The following TAFA1 variants were observed in gnomAD, a reference collection of about 807,000 sequenced individuals.
TAFA1 encodes the protein TAFA chemokine like family member 1.
TAFA1 carries 4 observed loss-of-function variants against 18.5 expected under a neutral mutation model. The observed-to-expected ratio is 0.22, with a 90% CI of 0.11 to 0.49. TAFA1 has a LOEUF of 0.49. Among genes scored for constraint, TAFA1 ranks in the 20% least tolerant of loss-of-function variants. The pLI is 0.98. For synonymous variants in TAFA1, 56 were observed against 55.2 expected, an observed-to-expected ratio of 1.01 and a Z score of -0.06; for missense variants, 147 against 169.0, an observed-to-expected ratio of 0.87 and a Z score of 0.72.
intron 2 of TAFA1, among the ~76,000 whole-genome samples, chr3:68,077,837 T>C (rs2064846640): frequency 1.3e-5 from 2 of 152,162 alleles, no homozygotes; most frequent in African/African-American, 4.8e-5. Flanking sequence ...TTTTTTCCAA[T>C]TCTGTGAAGA....
intron 2 of TAFA1, among the ~76,000 whole-genome samples, chr3:68,245,587 G>A (rs892727208): frequency 6.6e-6 from 1 of 152,186 alleles, no homozygotes; most frequent in African/African-American, 2.4e-5. Context: ...GGGATTGATA[G>A]CAGAGTTTTA....
intron 3 of TAFA1, among the ~76,000 whole-genome samples, chr3:68,422,235 T>C (rs967635875): frequency 6.6e-6 from 1 of 152,124 alleles, no homozygotes; most frequent in African/African-American, 2.4e-5. Flanking sequence ...TTAATAGCTA[T>C]ATGGGTTTTT....
chr3:68,450,755 C>G (rs1321040453), intron 3 of TAFA1, among the ~76,000 whole-genome samples: 1 of 152,140 alleles, frequency 6.6e-6, no homozygotes, highest in Non-Finnish European at 1.5e-5. Flanking sequence ...AAGGACAACA[C>G]AAGATCCTAA....
At chr3:68,427,935 C>G (rs541583594) in intron 3 of TAFA1, among the ~76,000 whole-genome samples, 26 of 151,896 alleles carry the variant, frequency 1.7e-4, no homozygotes, top group Non-Finnish European at 3.7e-4. Context: ...TCCTCTTTTG[C>G]CTTCTGCCAG....
chr3:68,192,403 T>C (rs1354002012), intron 2 of TAFA1: 1 of 176,248 alleles, frequency 5.7e-6, no homozygotes, highest in Non-Finnish European at 1.2e-5. Flanking sequence ...CATCTGCCAG[T>C]GTGTTACGAA....
intron 2 of TAFA1, among the ~76,000 whole-genome samples, chr3:68,069,472 T>C (rs752760605): frequency 1.3e-5 from 2 of 152,152 alleles, no homozygotes; most frequent in Non-Finnish European, 2.9e-5. Context: ...CACATGGGAC[T>C]TGTGGGAGAT....
intron 2 of TAFA1, among the ~76,000 whole-genome samples, chr3:68,337,686 T>G (rs2068997852): frequency 6.6e-6 from 1 of 152,018 alleles, no homozygotes; most frequent in African/African-American, 2.4e-5. Flanking sequence ...GTAAGAACAC[T>G]TACTAGAAGA....
At chr3:68,295,320 T>A (rs1046079071) in intron 2 of TAFA1, among the ~76,000 whole-genome samples, 2 of 152,238 alleles carry the variant, frequency 1.3e-5, no homozygotes, top group East Asian at 3.9e-4. Flanking sequence ...TAGGATGCAG[T>A]GGGTTGGTAG....
intron 1 of TAFA1, 182 bp from the exon 2 acceptor site, chr3:68,006,442 C>G (rs898380293): frequency 1.8e-6 from 1 of 550,006 alleles, no homozygotes. Context: ...AATGTATGAT[C>G]ATCTGAAAAG....
In TAFA1 at chr3:68,347,905, A is replaced by C. The variant is rs138181635; in HGVS notation, c.119-69375A>C. On this transcript the variant is annotated intron_variant, in intron 2 of 4. Coordinates refer to ENST00000478136, the MANE Select transcript of TAFA1 (RefSeq NM_213609.4). ...GGTCTTTTCTCCTACTGGATTCTTT[A>C]TCTCTCTCCATTTGAAATTCCTGGC... 3.9e-5 allele frequency among the ~76,000 whole-genome samples: 6 copies of C among 152,140 alleles called. No homozygotes were observed. In the East Asian group the frequency reaches 9.7e-4, roughly 24 times the overall value.
At chr3:68,361,706 G>C (rs2069472477) in intron 2 of TAFA1, among the ~76,000 whole-genome samples, 1 of 151,648 alleles carries the variant, frequency 6.6e-6, no homozygotes, top group Non-Finnish European at 1.5e-5. Context: ...TAAGACATGA[G>C]AAAGAAAGCA....
the TAFA1 span, among the ~76,000 whole-genome samples, chr3:67,994,904 A>G: frequency 5.3e-5 from 8 of 152,198 alleles, no homozygotes; most frequent in Admixed American, 5.2e-4. Flanking sequence ...TTCTGGAACC[A>G]GCGGTTAGCT....
intron 2 of TAFA1, among the ~76,000 whole-genome samples, chr3:68,411,051 T>G (rs2070706946): frequency 6.6e-6 from 1 of 152,214 alleles, no homozygotes; most frequent in Non-Finnish European, 1.5e-5. Flanking sequence ...TGGGGGAACA[T>G]TTTGGTTTCC....
chr3:68,123,450 A>G (rs537566823), intron 2 of TAFA1, among the ~76,000 whole-genome samples: 21 of 152,302 alleles, frequency 1.4e-4, no homozygotes, highest in African/African-American at 5.1e-4. Flanking sequence ...CCCAATGTAG[A>G]GGAGTCCTGC....
At chr3:68,463,978 A>G (rs1217323919) in intron 3 of TAFA1, among the ~76,000 whole-genome samples, 1 of 152,192 alleles carries the variant, frequency 6.6e-6, no homozygotes, top group African/African-American at 2.4e-5. Flanking sequence ...AACTTTTTAC[A>G]TTAATTTCAA....
chr3:68,277,757 G>C (rs952892518), intron 2 of TAFA1, among the ~76,000 whole-genome samples: 1 of 152,102 alleles, frequency 6.6e-6, no homozygotes, highest in Non-Finnish European at 1.5e-5. Context: ...CTAGATTCTT[G>C]TCTAAGTGTA....
At chr3:68,070,613 T>C (rs1361565331) in intron 2 of TAFA1, among the ~76,000 whole-genome samples, 1 of 152,260 alleles carries the variant, frequency 6.6e-6, no homozygotes, top group African/African-American at 2.4e-5. Context: ...AATGAGATTT[T>C]CTTTTCTATT....
chr3:68,318,173 C>G (rs997815054), intron 2 of TAFA1, among the ~76,000 whole-genome samples: 7 of 152,200 alleles, frequency 4.6e-5, no homozygotes, highest in Admixed American at 2.6e-4. Context: ...CATTCACACA[C>G]TGAGACTGAT....
the TAFA1 span, among the ~76,000 whole-genome samples, chr3:67,995,760 A>C: frequency 6.6e-6 from 1 of 152,180 alleles, no homozygotes; most frequent in Non-Finnish European, 1.5e-5. Context: ...TTGGAGATGC[A>C]CATTTAGGCA....
Sources: gnomAD v4.1 joint callset for allele counts (sites outside exome capture counted in the v4.1 genomes callset) on GRCh38, gnomAD v4.1.1 for gene constraint, MANE v1.5 for transcripts, NCBI Gene and HGNC (gene_info 2026-07-23, HGNC 2026-07-21) for gene names.